Variants in IMPG2 observed in about 807,000 individuals in gnomAD.
IMPG2 encodes the protein IPM 200.
In IMPG2, 91 loss-of-function variants were observed where a neutral mutation model predicts 129.2. That is an observed-to-expected ratio of 0.70 (90% CI 0.59 to 0.84). The LOEUF (loss-of-function observed/expected upper bound fraction) is 0.84. Among genes scored for constraint, IMPG2 ranks in the 40% least tolerant of loss-of-function variants. IMPG2 has a pLI of 0.00. For missense variants in IMPG2, 1,430 were observed against 1,461.7 expected, an observed-to-expected ratio of 0.98 and a Z score of 0.35; for synonymous variants, 510 against 517.7, an observed-to-expected ratio of 0.99 and a Z score of 0.20.
At chr3:101,249,878 CAG>C (rs1279942526) in intron 11 of IMPG2, among the ~76,000 whole-genome samples, 1 of 150,808 alleles carries the variant, frequency 6.6e-6, no homozygotes, top group Non-Finnish European at 1.5e-5. Flanking sequence ...GTCTGGGAAA[CAG>C]AGTAAGACTC....
At chr3:101,245,764 T>A (rs774872678) in intron 12 of IMPG2, 38 bp downstream of exon 12, 5 of 1,575,046 alleles carry the variant, frequency 3.2e-6, no homozygotes, top group Admixed American at 1.7e-5. Flanking sequence ...TGTCATCGGA[T>A]ACAATAAGAA....
chr3:101,301,863 C>T (rs940480105), intron 3 of IMPG2, among the ~76,000 whole-genome samples: 3 of 152,192 alleles, frequency 2.0e-5, no homozygotes, highest in Non-Finnish European at 2.9e-5. Flanking sequence ...ATGTAGAAAC[C>T]GTAACGACCT....
Position 101,244,779 on chromosome 3 carries a change from T to C in IMPG2, c.1552A>G (p.Asn518Asp), listed in dbSNP as rs369985289. The C allele has an allele frequency of 4.7e-5, 76 of 1,613,250 alleles. No homozygotes were observed. The highest frequency in any genetic ancestry group is 3.7e-4 in the Admixed American group (22 of 59,968). ...GSHLVEDGLANVEESEDFLSI... is the reference protein window; with the variant it reads ...GSHLVEDGLADVEESEDFLSI... ...AGAAAATCTTCTGACTCTTCAACAT[T>C]GGCTAATCCTAAAAATAAAGTTTTC... Residue 518 changes from asparagine to aspartate, a missense_variant, in exon 13 of 19, where the codon AAT becomes GAT. By Grantham distance (23) the Asn-to-Asp change is conservative (BLOSUM62 1). Transcript: ENST00000193391.
intron 2 of IMPG2, among the ~76,000 whole-genome samples, chr3:101,307,816 A>T (rs772349213): frequency 3.3e-5 from 5 of 152,210 alleles, no homozygotes; most frequent in Non-Finnish European, 5.9e-5. Context: ...GTCTTAACTC[A>T]TTCCAGCATT....
chr3:101,242,839 G>A lies in IMPG2; in HGVS notation c.2871C>T (p.Gly957=). The change falls in exon 14 of 19, where the codon GGC becomes GGT. Residue 957 remains glycine, a synonymous_variant. Transcript: ENST00000193391. The part of the protein sequence containing the change: ...QNLEILNFRN[G]SIVVNSRMKF... ...TCATTCGACTGTTCACCACAATGCT[G>A]CCATTTCTGAAGTTGAGGATTTCTA... The A allele has an allele frequency of 6.2e-7, 1 of 1,614,050 alleles. No homozygotes were observed. Among genetic ancestry groups the A allele is most frequent in the Non-Finnish European group, 8.5e-7 (1 of 1,179,954 alleles).
chr3:101,229,224 C>T (rs572528817), intron 17 of IMPG2, among the ~76,000 whole-genome samples, 156 bp downstream of exon 17: 157 of 151,578 alleles, frequency 1.0e-3, no homozygotes, highest in Middle Eastern at 3.5e-3. Context: ...CTAGGAGATA[C>T]GAGGTAAAAA....
intron 2 of IMPG2, among the ~76,000 whole-genome samples, chr3:101,307,540 G>A (rs1193877111): frequency 6.6e-6 from 1 of 152,332 alleles, no homozygotes; most frequent in Non-Finnish European, 1.5e-5. Context: ...GTTGAGTGAA[G>A]TGGGGGAAAG....
At chr3:101,276,060 A>C (rs1250339838) in intron 5 of IMPG2, among the ~76,000 whole-genome samples, 1 of 152,216 alleles carries the variant, frequency 6.6e-6, no homozygotes, top group Non-Finnish European at 1.5e-5. Context: ...TACTAAAAGA[A>C]GTAACTCCTC....
At chr3:101,316,231 T>C (rs2107146104) in intron 2 of IMPG2, among the ~76,000 whole-genome samples, 1 of 152,106 alleles carries the variant, frequency 6.6e-6, no homozygotes. Flanking sequence ...ACTAAAAGGA[T>C]GCTCCCCCAA....
chr3:101,301,507 G>A (rs1169624004), intron 3 of IMPG2, among the ~76,000 whole-genome samples: 2 of 152,162 alleles, frequency 1.3e-5, no homozygotes, highest in Admixed American at 6.5e-5. Context: ...CCTATCCTTG[G>A]CTTCATACCC....
At position 101,269,553 on chromosome 3, in the gene IMPG2, C is replaced by T; in HGVS notation, c.849G>A (p.Gly283=). Residue 283 remains glycine (G), a synonymous_variant, in exon 8 of 19, where the codon GGG becomes GGA. Coordinates refer to ENST00000193391, the MANE Select transcript of IMPG2 (RefSeq NM_016247.4). ...CACGAATTTCCTTGTAGCCTGGTAA[C>T]CCAGTAAATGCATTTTCAACCTGTT... is the stretch of plus-strand genomic sequence containing the variant. ...FISEVENAFT[G]LPGYKEIRVL... 6.3e-7 allele frequency: 1 copy of T among 1,594,664 alleles called. No individual in the cohort carries two copies. The highest frequency in any genetic ancestry group is 8.6e-7 in the Non-Finnish European group (1 of 1,162,680).
chr3:101,287,048 A>C (rs1479476457), intron 4 of IMPG2, among the ~76,000 whole-genome samples: 1 of 152,188 alleles, frequency 6.6e-6, no homozygotes, highest in African/African-American at 2.4e-5. Context: ...AAAAGCACAG[A>C]TCTAAATTTT....
chr3:101,274,151 T>G (rs1706818110), intron 6 of IMPG2, among the ~76,000 whole-genome samples: 1 of 152,030 alleles, frequency 6.6e-6, no homozygotes, highest in African/African-American at 2.4e-5. Flanking sequence ...CAAGATCCAC[T>G]GCACTCCAGC....
rs1370435147 is a variant in IMPG2, at chr3:101,296,650, T to C, written c.502-5140A>G. On this transcript the variant is annotated intron_variant, in intron 3 of 18. Transcript: ENST00000193391. ...TTTCAGAAGGAATGGTACCAGCTCC[T>C]CTTTGTATCTCTGGTAGAATTCGGC... Among the ~76,000 whole-genome samples, 3 of 152,288 alleles carry C rather than the reference T, an allele frequency of 2.0e-5. No homozygotes were observed. The East Asian group carries it at 5.8e-4, about 29-fold the overall frequency.
At chr3:101,248,612 C>T (rs988839562) in intron 11 of IMPG2, among the ~76,000 whole-genome samples, 1 of 152,202 alleles carries the variant, frequency 6.6e-6, no homozygotes, top group Non-Finnish European at 1.5e-5. Flanking sequence ...GCATGTCCTA[C>T]TTTGTCCCTT....
chr3:101,319,456 G>T (rs932459896), intron 2 of IMPG2, 128 bp downstream of exon 2: 2 of 1,082,236 alleles, frequency 1.8e-6, no homozygotes, highest in Admixed American at 3.4e-5. Flanking sequence ...ATTCTTAGCA[G>T]TAGAAAGGTA....
intron 4 of IMPG2, among the ~76,000 whole-genome samples, chr3:101,289,121 A>C (rs1468517370): frequency 1.3e-5 from 2 of 152,326 alleles, no homozygotes; most frequent in Non-Finnish European, 2.9e-5. Context: ...ATCCTACAGA[A>C]ACCTGCTAAA....
At chr3:101,267,572 A>G in intron 8 of IMPG2, 41 bp from the exon 9 acceptor site, 1 of 1,520,522 alleles carries the variant, frequency 6.6e-7, no homozygotes, top group Non-Finnish European at 9.1e-7. Flanking sequence ...AGTTTGAGAC[A>G]GTTATTATTG....
rs948658382 is a variant in IMPG2 at position 101,305,587 on chromosome 3, A to G, written c.335-1275T>C. On this transcript the variant is annotated intron_variant, in intron 2 of 18. Coordinates refer to ENST00000193391, the MANE Select transcript of IMPG2 (RefSeq NM_016247.4). ...GAAAAGTGGTGGGGGAGTTGAGGGA[A>G]TACATGGTAACTCTCTAAACACACT... Among the ~76,000 whole-genome samples the G allele has an allele frequency of 2.0e-5, 3 of 152,260 alleles. No individual in the cohort carries two copies. In the East Asian group the frequency reaches 5.8e-4, roughly 29 times the overall value.
Sources: allele counts gnomAD v4.1 joint callset (sites outside exome capture counted in the v4.1 genomes callset), GRCh38; gene constraint gnomAD v4.1.1; transcripts MANE v1.5; gene names NCBI Gene and HGNC (gene_info 2026-07-23, HGNC 2026-07-21).